The following AP3B1 variants were observed in gnomAD, a reference collection of about 807,000 sequenced individuals.
AP3B1 encodes the protein adaptor related protein complex 3 subunit beta 1.
AP3B1 carries 61 observed loss-of-function variants against 132.5 expected under a neutral mutation model. That is an observed-to-expected ratio of 0.46 (90% CI 0.37 to 0.57). The LOEUF (loss-of-function observed/expected upper bound fraction) is 0.57, where lower values mean the gene tolerates loss of function less well. Among genes scored for constraint, AP3B1 ranks in the 20% least tolerant of loss-of-function variants. The pLI is 0.00. For synonymous variants in AP3B1, 388 were observed against 438.3 expected, an observed-to-expected ratio of 0.89 and a Z score of 1.43; for missense variants, 1,120 against 1,289.4, an observed-to-expected ratio of 0.87 and a Z score of 2.01.
At chr5:78,108,804 A>G (rs1318108303) in intron 20 of AP3B1, among the ~76,000 whole-genome samples, 1 of 152,134 alleles carries the variant, frequency 6.6e-6, no homozygotes, top group African/African-American at 2.4e-5. Flanking sequence ...ACAACACAAC[A>G]TGATGTTCAA....
At position 78,175,679 on chromosome 5, in the gene AP3B1, G is replaced by T. The variant is rs1744117760; in HGVS notation, c.1114C>A (p.Leu372Met). ...GTTGACCTAACATAGAAACTCTTCA[G>T]ATAAGGTTCAAACATCCCCTGGATT... ...IQRKGMFEPY[L>M]KSFYVRSTDP... is the part of the protein sequence containing the mutation. Residue 372 changes from leucine (L) to methionine (M), a missense_variant, in exon 11 of 27, where the codon CTG (leucine) becomes ATG (methionine). Transcript: ENST00000255194. The T allele has an allele frequency of 6.2e-7, 1 of 1,613,336 alleles. No homozygotes were observed. Among genetic ancestry groups the T allele is most frequent in the Non-Finnish European group, 8.5e-7 (1 of 1,179,530 alleles).
intron 7 of AP3B1, among the ~76,000 whole-genome samples, chr5:78,192,908 G>GT (rs1744903565): frequency 6.6e-6 from 1 of 152,160 alleles, no homozygotes; most frequent in South Asian, 2.1e-4. Context: ...CTCCAGAACT[G>GT]TGAGAAATAA....
chr5:78,192,845 T>C (rs529603443), intron 7 of AP3B1, among the ~76,000 whole-genome samples: 96 of 152,274 alleles, frequency 6.3e-4, no homozygotes, highest in African/African-American at 2.3e-3. Context: ...AACCAAGAAG[T>C]AGACCCTCAC....
chr5:78,057,584 C>T (rs534125024), intron 22 of AP3B1, among the ~76,000 whole-genome samples: 2 of 152,248 alleles, frequency 1.3e-5, no homozygotes, highest in East Asian at 1.9e-4. Context: ...TCTAAATGTA[C>T]AGCCCTCTAA....
rs570406752 is a variant in AP3B1, at chr5:78,247,375, T to C, written c.205-6439A>G. On this transcript the variant is annotated intron_variant, in intron 2 of 26. Coordinates refer to ENST00000255194, the MANE Select transcript of AP3B1 (RefSeq NM_003664.5). ...TGCTCTATAAATGTCAGTTAGGTCATATAAGTTGATATTATTCTAGTCTTA... is the reference window on the plus strand; with the variant it reads ...TGCTCTATAAATGTCAGTTAGGTCACATAAGTTGATATTATTCTAGTCTTA... 3.3e-5 allele frequency among the ~76,000 whole-genome samples: 5 copies of C among 150,924 alleles called. No homozygotes were observed. In the East Asian group the frequency reaches 7.7e-4, roughly 23 times the overall value.
chr5:78,266,607 GTTTA>G (rs1748332916), intron 2 of AP3B1, among the ~76,000 whole-genome samples: 1 of 152,120 alleles, frequency 6.6e-6, no homozygotes, highest in Admixed American at 6.6e-5. Context: ...TATTACAGTA[GTTTA>G]TTTAAGCAAT....
In AP3B1 at chr5:78,161,011, C is replaced by A. The variant is rs1203019602; in HGVS notation, c.1363+1808G>T. On this transcript the variant is annotated intron_variant, in intron 13 of 26. Transcript: ENST00000255194. ...TATTCACACTGCAGGAAAAAAAAAA[C>A]CATGATTAAGAGTTGTATCAAAAAA... Among the ~76,000 whole-genome samples, 32 of 150,792 alleles carry A rather than the reference C, an allele frequency of 2.1e-4. 1 individual carries two copies. The highest frequency in any genetic ancestry group is 4.2e-4 in the South Asian group (2 of 4,794).
chr5:78,240,724 C>T (rs183373941), intron 3 of AP3B1, 138 bp downstream of exon 3: 103 of 658,838 alleles, frequency 1.6e-4, no homozygotes, highest in South Asian at 7.9e-4. Context: ...ATCTTACCTA[C>T]ATTTAAAATT....
chr5:78,030,010 G>C (rs1038895517), intron 24 of AP3B1, among the ~76,000 whole-genome samples: 3 of 151,664 alleles, frequency 2.0e-5, no homozygotes, highest in Non-Finnish European at 4.4e-5. Context: ...GGGGATTTTG[G>C]TTCCAATTTA....
intron 22 of AP3B1, among the ~76,000 whole-genome samples, chr5:78,053,412 C>A (rs756817462): frequency 6.6e-6 from 1 of 151,884 alleles, no homozygotes; most frequent in Non-Finnish European, 1.5e-5. Flanking sequence ...TCGGGTGCAG[C>A]GGCTCACGCC....
chr5:78,116,010 T>G, intron 18 of AP3B1, 116 bp downstream of exon 18: 1 of 763,504 alleles, frequency 1.3e-6, no homozygotes, highest in Non-Finnish European at 2.3e-6. Flanking sequence ...ATTATTTTGA[T>G]AATACAAACT....
At chr5:78,120,839 A>C (rs984527118) in intron 17 of AP3B1, among the ~76,000 whole-genome samples, 32 of 152,326 alleles carry the variant, frequency 2.1e-4, no homozygotes, top group Non-Finnish European at 3.4e-4. Context: ...TGCACCAAGC[A>C]GACCTAATAG....
At position 78,158,759 on chromosome 5, in the gene AP3B1, C is replaced by A. The variant is rs142699042; in HGVS notation, c.1364-2392G>T. Among the ~76,000 whole-genome samples, 1,259 of 151,590 alleles carry A rather than the reference C, an allele frequency of 8.3e-3. 9 individuals are homozygous for A. The highest frequency in any genetic ancestry group is 0.024 in the Middle Eastern group (7 of 292). On this transcript the variant is annotated intron_variant, in intron 13 of 26. Coordinates refer to ENST00000255194, the MANE Select transcript of AP3B1 (RefSeq NM_003664.5). ...TCGCTGAGGCTGGAGTGCAGTGGCG[C>A]AATCTCGGCTCACTGCAACCTCCAC...
intron 22 of AP3B1, among the ~76,000 whole-genome samples, chr5:78,088,011 T>C (rs1377891856): frequency 6.6e-6 from 1 of 152,198 alleles, no homozygotes; most frequent in Non-Finnish European, 1.5e-5. Flanking sequence ...GTCACATAGC[T>C]ATTAAGTGGC....
At chr5:78,211,288 T>G (rs376168307) in intron 7 of AP3B1, among the ~76,000 whole-genome samples, 1 of 152,312 alleles carries the variant, frequency 6.6e-6, no homozygotes, top group African/African-American at 2.4e-5. Context: ...CATCCACTAT[T>G]TATCATCAAA....
chr5:78,062,641 G>A (rs1191753418), intron 22 of AP3B1, among the ~76,000 whole-genome samples: 2 of 152,152 alleles, frequency 1.3e-5, no homozygotes, highest in Non-Finnish European at 1.5e-5. Flanking sequence ...AGGCAACAGG[G>A]ACACACTTGA....
chr5:78,007,793 A>G (rs1256291566), intron 26 of AP3B1, among the ~76,000 whole-genome samples: 3 of 152,206 alleles, frequency 2.0e-5, no homozygotes, highest in Non-Finnish European at 1.5e-5. Flanking sequence ...ATAAAATTGC[A>G]TTTTAAAGTT....
rs573435592 is a variant in AP3B1, at chr5:78,121,371, G to GA, written c.1969-5138dup. ...AGCAGAACTGAAGGAAATAGAGACA[G>GA]AAAAAACCCTTCAAAAAAATCAATG... is the stretch of plus-strand genomic sequence containing the variant. On this transcript the variant is annotated intron_variant, in intron 17 of 26. Transcript: ENST00000255194. 2.0e-3 allele frequency among the ~76,000 whole-genome samples: 308 copies of GA among 151,712 alleles called. 3 individuals are homozygous for GA. Among genetic ancestry groups the GA allele is most frequent in the African/African-American group, 7.1e-3 (295 of 41,346 alleles).
chr5:78,005,787 C>T (rs907160229), intron 26 of AP3B1, among the ~76,000 whole-genome samples: 4 of 152,144 alleles, frequency 2.6e-5, no homozygotes, highest in Non-Finnish European at 4.4e-5. Context: ...TTTTGGCCCT[C>T]GGAAGGCAAA....
Sources: gnomAD v4.1 joint callset for allele counts (sites outside exome capture counted in the v4.1 genomes callset) on GRCh38, gnomAD v4.1.1 for gene constraint, MANE v1.5 for transcripts, NCBI Gene and HGNC (gene_info 2026-07-23, HGNC 2026-07-21) for gene names.